The following RBM19 variants were observed in gnomAD, a reference collection of about 807,000 sequenced individuals.
RBM19 encodes probable RNA-binding protein 19.
A neutral mutation model predicts 116.8 loss-of-function variants in RBM19; 94 were observed. That is an observed-to-expected ratio of 0.80 (90% confidence interval 0.68 to 0.95). RBM19 has a LOEUF of 0.95. Among genes scored for constraint, RBM19 ranks in the 40% least tolerant of loss-of-function variants. The pLI is 0.00. For synonymous variants in RBM19, 475 were observed against 494.1 expected (o/e 0.96, Z 0.51); for missense variants, 1,161 against 1,220.7 (o/e 0.95, Z 0.73).
At chr12:113,927,472 C>T (rs2277376) in intron 16 of RBM19, 38,933 of 486,586 alleles carry the variant, frequency 0.08, 1,946 homozygotes, top group African/African-American at 0.13. Flanking sequence ...AAAACACAGC[C>T]CTCAAATGGA....
chr12:113,952,403 A>G, intron 8 of RBM19, 109 bp downstream of exon 8: 2 of 1,005,696 alleles, frequency 2.0e-6, no homozygotes, highest in Admixed American at 2.1e-5. Context: ...GAGGACCACA[A>G]ACAGGAAGAA....
downstream of RBM19, among the ~76,000 whole-genome samples, chr12:113,820,419 C>A (rs1874337356): frequency 6.6e-6 from 1 of 152,094 alleles, no homozygotes; most frequent in African/African-American, 2.4e-5. Context: ...GAAGAGGCAG[C>A]TCGAGGGCCC....
chr12:113,864,114 T>C (rs755882137), intron 21 of RBM19, among the ~76,000 whole-genome samples: 1 of 152,164 alleles, frequency 6.6e-6, no homozygotes, highest in Admixed American at 6.5e-5. Flanking sequence ...GCGAAGTGAC[T>C]TGCCCAAGGT....
chr12:113,886,375 C>T (rs564900007), intron 21 of RBM19, among the ~76,000 whole-genome samples: 127 of 152,292 alleles, frequency 8.3e-4, no homozygotes, highest in African/African-American at 2.9e-3. Context: ...TCAAGTGATG[C>T]ACCCGCCTCT....
At chr12:113,962,487 C>T in intron 1 of RBM19, 73 bp from the exon 2 acceptor site, 2 of 1,452,824 alleles carry the variant, frequency 1.4e-6, no homozygotes, top group East Asian at 2.3e-5. Context: ...GGGCTGGAAA[C>T]CTGAGGCCAC....
chr12:113,833,702 T>C (rs911402937), intron 23 of RBM19, among the ~76,000 whole-genome samples: 8 of 152,228 alleles, frequency 5.3e-5, no homozygotes, highest in Admixed American at 2.6e-4. Flanking sequence ...CTCCTTCCCC[T>C]CTCTGGTGGT....
intron 21 of RBM19, among the ~76,000 whole-genome samples, chr12:113,889,458 G>A (rs1880782813): frequency 6.6e-6 from 1 of 152,062 alleles, no homozygotes; most frequent in Non-Finnish European, 1.5e-5. Context: ...GTCAATCTGG[G>A]GAAATTTTGG....
chr12:113,830,306 C>T (rs1274149123), intron 23 of RBM19, among the ~76,000 whole-genome samples: 2 of 152,156 alleles, frequency 1.3e-5, no homozygotes, highest in Non-Finnish European at 2.9e-5. Flanking sequence ...GATCCTACCT[C>T]CAGAGGTTCT....
At chr12:113,845,865 C>A (rs1420685835) in intron 22 of RBM19, among the ~76,000 whole-genome samples, 1 of 152,204 alleles carries the variant, frequency 6.6e-6, no homozygotes, top group Non-Finnish European at 1.5e-5. Flanking sequence ...GAAGGACAGA[C>A]CCCGCAGGTC....
chr12:113,843,773 T>G (rs1373487867), intron 23 of RBM19, among the ~76,000 whole-genome samples: 2 of 152,270 alleles, frequency 1.3e-5, no homozygotes, highest in East Asian at 3.9e-4. Context: ...TGGGGCTGTC[T>G]CACCCTCTCC....
intron 22 of RBM19, among the ~76,000 whole-genome samples, chr12:113,850,260 G>A (rs1330610431): frequency 6.6e-6 from 1 of 152,190 alleles, no homozygotes; most frequent in East Asian, 1.9e-4. Flanking sequence ...TACTTCAGAT[G>A]GGGTGTCTCG....
intron 21 of RBM19, among the ~76,000 whole-genome samples, chr12:113,865,040 ACT>A (rs1473223690): frequency 2.6e-5 from 4 of 151,988 alleles, no homozygotes; most frequent in African/African-American, 9.7e-5. Context: ...AAATTGCTTA[ACT>A]CTCTAATGGT....
At chr12:113,886,035 A>C (rs1880492511) in intron 21 of RBM19, among the ~76,000 whole-genome samples, 2 of 151,602 alleles carry the variant, frequency 1.3e-5, no homozygotes, top group Admixed American at 1.3e-4. Flanking sequence ...ATGCCCAGCT[A>C]ATTTTTTTTG....
intron 22 of RBM19, among the ~76,000 whole-genome samples, chr12:113,850,097 C>G (rs547661762): frequency 2.0e-5 from 3 of 152,226 alleles, no homozygotes; most frequent in Non-Finnish European, 2.9e-5. Flanking sequence ...CTGGGGGCTT[C>G]GCCATCCCTG....
intron 21 of RBM19, among the ~76,000 whole-genome samples, chr12:113,882,740 C>A (rs1018150025): frequency 7.9e-5 from 12 of 152,214 alleles, no homozygotes; most frequent in Non-Finnish European, 1.5e-4. Flanking sequence ...CCCTCCCCAG[C>A]CACCCAAAAT....
At chr12:113,959,472 A>C in intron 4 of RBM19, 68 bp from the exon 5 acceptor site, 1 of 1,502,168 alleles carries the variant, frequency 6.7e-7, no homozygotes, top group Non-Finnish European at 9.1e-7. Flanking sequence ...GAGAAGGCTC[A>C]GGTGGGGCTT....
At chr12:113,927,024 C>G in intron 17 of RBM19, 30 bp downstream of exon 17, 1 of 1,599,008 alleles carries the variant, frequency 6.3e-7, no homozygotes, top group Non-Finnish European at 8.5e-7. Flanking sequence ...CATCCCACGC[C>G]CCTCCCTCCT....
At chr12:113,911,209 T>C (rs1256820210) in intron 21 of RBM19, among the ~76,000 whole-genome samples, 1 of 152,194 alleles carries the variant, frequency 6.6e-6, no homozygotes, top group Non-Finnish European at 1.5e-5. Flanking sequence ...ACATGCATAC[T>C]TGCACAGTCT....
chr12:113,833,654 T>C (rs962737014), intron 23 of RBM19, among the ~76,000 whole-genome samples: 12 of 152,344 alleles, frequency 7.9e-5, no homozygotes, highest in African/African-American at 2.6e-4. Context: ...AAATGCTGAC[T>C]TGGCAGAAAG....
Sources: gnomAD v4.1 joint callset for allele counts (sites outside exome capture counted in the v4.1 genomes callset) on GRCh38, gnomAD v4.1.1 for gene constraint, MANE v1.5 for transcripts, NCBI Gene and HGNC (gene_info 2026-07-23, HGNC 2026-07-21) for gene names.